ATP11C: variants seen among roughly 807,000 people sequenced by gnomAD.
The protein encoded by ATP11C is ATPase phospholipid transporting 11C (ATP11C blood group).
Under a neutral mutation model 97.4 loss-of-function variants are expected in ATP11C, and 36 were observed. The observed-to-expected ratio is 0.37, with a 90% CI of 0.28 to 0.49. The LOEUF (loss-of-function observed/expected upper bound fraction) is 0.49, where lower values mean the gene tolerates loss of function less well. Ranked by LOEUF, ATP11C falls within the 20% of genes least tolerant of loss-of-function variation. The probability of loss-of-function intolerance (pLI) is 0.98; values close to 1 mark genes in which losing one functional copy is unlikely to be tolerated. For synonymous variants in ATP11C, 275 were observed against 290.9 expected (o/e 0.95, Z 0.56); for missense variants, 730 against 824.6 (o/e 0.89, Z 1.40).
At chrX:139,799,879 T>C (rs1192468755) in intron 8 of ATP11C, among the ~76,000 whole-genome samples, 181 bp downstream of exon 8, 1 of 109,721 alleles carries the variant, frequency 9.1e-6, no homozygotes, top group Non-Finnish European at 1.9e-5. Flanking sequence ...TTCAAACTCC[T>C]GACCTCAGGT....
At chrX:139,876,789 G>A (rs968338045) in intron 1 of ATP11C, among the ~76,000 whole-genome samples, 1 of 112,104 alleles carries the variant, frequency 8.9e-6, no homozygotes, top group African/African-American at 3.2e-5. Context: ...GTTAGCTGCT[G>A]CAGCTAAGTT....
At chrX:139,838,685 A>AAAG (rs2083782914) in intron 1 of ATP11C, among the ~76,000 whole-genome samples, 1 of 112,738 alleles carries the variant, frequency 8.9e-6, no homozygotes, top group African/African-American at 3.2e-5. Flanking sequence ...GCAGTGGCTC[A>AAAG]TGCCTGTAAT....
Position 139,771,773 on chromosome X carries a change from A to C in ATP11C, c.2216+2917T>G, listed in dbSNP as rs188899839. 1.4e-3 allele frequency among the ~76,000 whole-genome samples: 159 copies of C among 111,614 alleles called. 1 individual carries two copies. Among genetic ancestry groups the C allele is most frequent in the African/African-American group, 4.8e-3 (149 of 30,748 alleles). ...ATGATTTAGGGTATCTGGCAGAAGAAATTTCTAAGGAGCAAAGCATTCAAA... is the reference window on the plus strand; with the variant it reads ...ATGATTTAGGGTATCTGGCAGAAGACATTTCTAAGGAGCAAAGCATTCAAA... On this transcript the variant is annotated intron_variant, in intron 19 of 29. Transcript: ENST00000682941.
In ATP11C at chrX:139,737,704, T is replaced by C. The variant is rs993740125; in HGVS notation, c.3288+212A>G. The C allele has an allele frequency of 1.2e-5, 6 of 482,014 alleles. No homozygotes were observed. The East Asian group carries it at 1.5e-4, about 12-fold the overall frequency. The allele number at this position is 482,014 out of a possible 1,213,427, so 39.7% of individuals were successfully genotyped here. On this transcript the variant is annotated intron_variant, in intron 28 of 29. Transcript: ENST00000682941. Reference sequence around the variant, plus strand: ...TCCATATGGATTGCCGAAGGTCACATAGAACACTATTAAGGAATCTACTTA... The same window carrying C: ...TCCATATGGATTGCCGAAGGTCACACAGAACACTATTAAGGAATCTACTTA...
chrX:139,913,251 A>G (rs2085104634), intron 1 of ATP11C, among the ~76,000 whole-genome samples: 1 of 112,030 alleles, frequency 8.9e-6, no homozygotes, highest in South Asian at 3.7e-4. Flanking sequence ...GCTTGCCCGT[A>G]ATATTCCAGC....
At chrX:139,903,376 G>A (rs942917298) in intron 1 of ATP11C, among the ~76,000 whole-genome samples, 8 of 109,403 alleles carry the variant, frequency 7.3e-5, no homozygotes, top group Non-Finnish European at 1.5e-4. Flanking sequence ...TCCATGCAAG[G>A]GTCCCACCCT....
chrX:139,790,100 G>A (rs188691157), intron 12 of ATP11C, among the ~76,000 whole-genome samples: 11 of 109,834 alleles, frequency 1.0e-4, no homozygotes, highest in African/African-American at 3.6e-4. Flanking sequence ...CCTTTTTTAA[G>A]ATAGGGTCTC....
intron 15 of ATP11C, among the ~76,000 whole-genome samples, chrX:139,786,252 T>TA (rs1287384692): frequency 8.9e-6 from 1 of 111,762 alleles, no homozygotes; most frequent in Non-Finnish European, 1.9e-5. Flanking sequence ...TCCTTGAAAA[T>TA]AAACAACTAG....
Position 139,728,946 on chromosome X carries a change from A to G in ATP11C, c.*20T>C, listed in dbSNP as rs202068265. On this transcript the variant is annotated 3_prime_UTR_variant, in exon 30 of 30. Coordinates refer to ENST00000682941, the MANE Select transcript of ATP11C (RefSeq NM_001353812.2). ...ATGCTTGTAGGACAATAACATAGGC[A>G]GTTCAAGATTCGGATTCTGAAAAAT... 1.4e-5 allele frequency: 17 copies of G among 1,197,459 alleles called. No individual in the cohort carries two copies. The Admixed American group carries it at 3.7e-4, about 26-fold the overall frequency.
chrX:139,894,223 T>C (rs954169390), intron 1 of ATP11C, among the ~76,000 whole-genome samples: 1 of 112,233 alleles, frequency 8.9e-6, no homozygotes, highest in Non-Finnish European at 1.9e-5. Flanking sequence ...TCCTAGTACT[T>C]TCTGATCTTC....
intron 8 of ATP11C, among the ~76,000 whole-genome samples, chrX:139,798,969 C>T (rs969777605): frequency 9.1e-6 from 1 of 110,338 alleles, no homozygotes; most frequent in Non-Finnish European, 1.9e-5. Context: ...CAGCAACACA[C>T]ATAGGCAAAA....
At chrX:139,900,088 T>C (rs1315907042) in intron 1 of ATP11C, among the ~76,000 whole-genome samples, 1 of 111,656 alleles carries the variant, frequency 9.0e-6, no homozygotes, top group African/African-American at 3.3e-5. Context: ...TTGCTAATGC[T>C]GGCCGGGCGC....
intron 19 of ATP11C, among the ~76,000 whole-genome samples, chrX:139,773,704 T>C (rs1247688016): frequency 1.8e-5 from 2 of 112,521 alleles, no homozygotes; most frequent in African/African-American, 3.2e-5. Flanking sequence ...TGTTTTAGAA[T>C]TGGCCACAGC....
rs12007512 is a variant in ATP11C at position 139,838,536 on chromosome X, G to T, written c.28-11713C>A. Among the ~76,000 whole-genome samples the T allele has an allele frequency of 5.8e-3, 649 of 111,698 alleles. 10 individuals carry two copies. The highest frequency in any genetic ancestry group is 0.019 in the African/African-American group (596 of 30,809). Reference sequence around the variant, plus strand: ...AAACAGTTTGGCAGTTCATTAAAAAGTTAAACATAGAATTACCATATGACC... The same window carrying T: ...AAACAGTTTGGCAGTTCATTAAAAATTTAAACATAGAATTACCATATGACC... On this transcript the variant is annotated intron_variant, in intron 1 of 29. Transcript: ENST00000682941.
At chrX:139,846,509 CTAT>C (rs1569478794) in intron 1 of ATP11C, among the ~76,000 whole-genome samples, 1 of 111,809 alleles carries the variant, frequency 8.9e-6, no homozygotes, top group Non-Finnish European at 1.9e-5. Flanking sequence ...ACTTTTGCTG[CTAT>C]TTTTTCTTTT....
chrX:139,905,474 T>C (rs916294540), intron 1 of ATP11C, among the ~76,000 whole-genome samples: 1 of 111,890 alleles, frequency 8.9e-6, no homozygotes, highest in Non-Finnish European at 1.9e-5. Context: ...ATTTTCATTA[T>C]ATAACAATGT....
intron 26 of ATP11C, among the ~76,000 whole-genome samples, chrX:139,741,979 T>TA (rs2081565307): frequency 9.0e-6 from 1 of 111,604 alleles, no homozygotes; most frequent in South Asian, 3.7e-4. Flanking sequence ...ATTATTAATG[T>TA]AGCTCAGTCT....
chrX:139,809,408 G>A (rs1009991708), intron 5 of ATP11C, among the ~76,000 whole-genome samples: 5 of 112,097 alleles, frequency 4.5e-5, no homozygotes, highest in African/African-American at 1.6e-4. Flanking sequence ...AGTGAAAGAA[G>A]CCAGACATAA....
chrX:139,912,806 C>A (rs2085098428), intron 1 of ATP11C, among the ~76,000 whole-genome samples: 1 of 111,798 alleles, frequency 8.9e-6, no homozygotes, highest in African/African-American at 3.3e-5. Context: ...TGAATTTTTA[C>A]AGGAATATTT....
Sources: gnomAD v4.1 joint callset for allele counts (sites outside exome capture counted in the v4.1 genomes callset) on GRCh38, gnomAD v4.1.1 for gene constraint, MANE v1.5 for transcripts, NCBI Gene and HGNC (gene_info 2026-07-23, HGNC 2026-07-21) for gene names.